LNPEP: variants seen among roughly 807,000 people sequenced by gnomAD.
LNPEP encodes leucyl and cystinyl aminopeptidase, also known as leucyl-cystinyl aminopeptidase.
LNPEP carries 64 observed loss-of-function variants against 120.6 expected under a neutral mutation model. The observed-to-expected ratio is 0.53, with a 90% confidence interval of 0.43 to 0.65. LNPEP has a LOEUF of 0.65. Ranked by LOEUF, LNPEP falls within the 30% of genes least tolerant of loss-of-function variation. The pLI is 0.00. For missense variants in LNPEP, 1,057 were observed against 1,200.0 expected (o/e 0.88, Z 1.76); for synonymous variants, 435 against 425.4 (o/e 1.02, Z -0.28).
intron 8 of LNPEP, among the ~76,000 whole-genome samples, chr5:97,000,663 C>G (rs1465717689): frequency 6.6e-6 from 1 of 152,180 alleles, no homozygotes; most frequent in African/African-American, 2.4e-5. Flanking sequence ...TTAAGTGCAT[C>G]CTGCATGATT....
chr5:96,988,220 C>G (rs1790287399), intron 4 of LNPEP, among the ~76,000 whole-genome samples: 1 of 151,978 alleles, frequency 6.6e-6, no homozygotes, highest in Admixed American at 6.6e-5. Context: ...GGATTACATT[C>G]AGATTCATCA....
At chr5:96,972,320 C>T (rs1004099466) in intron 1 of LNPEP, among the ~76,000 whole-genome samples, 1 of 152,058 alleles carries the variant, frequency 6.6e-6, no homozygotes, top group African/African-American at 2.4e-5. Context: ...TAGGGTGTCA[C>T]CTTTACTTCT....
In LNPEP at chr5:96,954,618, C is replaced by CTATATA. The variant is rs1168984975; in HGVS notation, c.19+18453_19+18458dup. 5.2e-4 allele frequency among the ~76,000 whole-genome samples: 30 copies of CTATATA among 57,532 alleles called. 4 individuals are homozygous for CTATATA. In the Middle Eastern group the frequency reaches 0.059, roughly 113 times the overall value. The allele number at this position is 57,532 out of a possible 152,430, so 37.7% of individuals were successfully genotyped here. A position where few individuals can be genotyped will look rare whatever the true frequency, so the allele number is the denominator to read the frequency against. ...TGCAAGTCTCTCTCTCTCTCTCTCT[C>CTATATA]TATATATATATATACATATATACAT... On this transcript the variant is annotated intron_variant, in intron 1 of 17. Transcript: ENST00000231368.
rs1486377358 is a variant in LNPEP at position 96,954,778 on chromosome 5, T to A, written c.19+18604T>A. On this transcript the variant is annotated intron_variant, in intron 1 of 17. Coordinates refer to ENST00000231368, the MANE Select transcript of LNPEP (RefSeq NM_005575.3). ...TATATATATATATATATATATTTTT[T>A]TTTTTTTTTTTTTTTTTTTTTTGAG... Among the ~76,000 whole-genome samples, 157 of 70,118 alleles carry A rather than the reference T, an allele frequency of 2.2e-3. 5 individuals carry two copies. Among genetic ancestry groups the A allele is most frequent in the Middle Eastern group, 4.9e-3 (1 of 206 alleles). 46.0% of individuals were successfully genotyped at this position (70,118 alleles called of 152,430 possible).
rs1165456605 is a variant in LNPEP, at chr5:97,021,923, G to GTTTTTTTTTTTTTTTTTTTTTTTT, written c.2377-374_2377-351dup. Among the ~76,000 whole-genome samples the GTTTTTTTTTTTTTTTTTTTTTTTT allele has an allele frequency of 2.8e-4, 16 of 57,192 alleles. 1 individual carries two copies. The highest frequency in any genetic ancestry group is 7.2e-4 in the East Asian group (1 of 1,382). 37.5% of individuals were successfully genotyped at this position (57,192 alleles called of 152,430 possible). On this transcript the variant is annotated intron_variant, in intron 13 of 17. Transcript: ENST00000231368. ...GGGTTTTTTTTGTTTTTTGTCTTTT[G>GTTTTTTTTTTTTTTTTTTTTTTTT]TTTTTTTTTTTTTTTTTTTTTTTTT...
At chr5:97,015,470 C>T (rs1328318778) in intron 13 of LNPEP, among the ~76,000 whole-genome samples, 2 of 151,920 alleles carry the variant, frequency 1.3e-5, no homozygotes, top group South Asian at 2.1e-4. Context: ...ATGACAGTTA[C>T]GTTTGTATTG....
intron 8 of LNPEP, among the ~76,000 whole-genome samples, chr5:96,998,638 G>A (rs73139214): frequency 7.9e-4 from 120 of 152,252 alleles, no homozygotes; most frequent in African/African-American, 2.7e-3. Flanking sequence ...ACCATAGGTC[G>A]GAGAATAGAA....
At chr5:96,970,151 A>C (rs1182764985) in intron 1 of LNPEP, among the ~76,000 whole-genome samples, 1 of 151,706 alleles carries the variant, frequency 6.6e-6, no homozygotes, top group African/African-American at 2.4e-5. Flanking sequence ...GTATTTCTGC[A>C]GTTGTTTGAT....
chr5:96,978,294 T>C (rs1393676560), intron 1 of LNPEP, among the ~76,000 whole-genome samples: 2 of 152,140 alleles, frequency 1.3e-5, no homozygotes, highest in Non-Finnish European at 2.9e-5. Context: ...TGTTGTAGTT[T>C]GTAAAAGCTC....
intron 1 of LNPEP, among the ~76,000 whole-genome samples, chr5:96,954,940 G>A (rs1233206010): frequency 1.3e-5 from 2 of 148,998 alleles, no homozygotes; most frequent in Non-Finnish European, 3.0e-5. Flanking sequence ...CTGCCACCAC[G>A]CCCGGCTAAT....
At chr5:96,962,923 T>C (rs1789640332) in intron 1 of LNPEP, among the ~76,000 whole-genome samples, 1 of 152,152 alleles carries the variant, frequency 6.6e-6, no homozygotes, top group Non-Finnish European at 1.5e-5. Flanking sequence ...CCTGGTCCCG[T>C]GCTAGGACCC....
chr5:96,942,198 AT>A (rs1183069249), intron 1 of LNPEP: 1 of 152,172 alleles, frequency 6.6e-6, no homozygotes, highest in Non-Finnish European at 1.5e-5. Context: ...AATGTTTTAG[AT>A]TTAAAGAAAA....
In LNPEP at chr5:97,030,424, G is replaced by A. The variant is rs970616660; in HGVS notation, c.*1891G>A. The A allele has an allele frequency of 6.6e-6, 1 of 152,026 alleles. No homozygotes were observed. Among genetic ancestry groups the A allele is most frequent in the African/African-American group, 2.4e-5 (1 of 41,402 alleles). The allele number at this position is 152,026 out of a possible 1,614,324, so 9.4% of individuals were successfully genotyped here. A position where few individuals can be genotyped will look rare whatever the true frequency, so the allele number is the denominator to read the frequency against. The stretch of plus-strand genomic sequence containing the variant: ...CTAAACTTTTGAGAGTTTTGTTGTC[G>A]TTGCTGGTTTTTTACCATGTGGTAC... On this transcript the variant is annotated 3_prime_UTR_variant, in exon 18 of 18. Coordinates refer to ENST00000231368, the MANE Select transcript of LNPEP (RefSeq NM_005575.3).
In LNPEP at chr5:96,991,203, G is replaced by A. The variant is rs142839989; in HGVS notation, c.1132-1812G>A. On this transcript the variant is annotated intron_variant, in intron 4 of 17. Transcript: ENST00000231368. ...CTGAGTTACTTTACTTAGAATAATC[G>A]TCCCCAATTCCATCCAGGTTGCTGC... 3.3e-3 allele frequency among the ~76,000 whole-genome samples: 508 copies of A among 152,132 alleles called. 3 individuals are homozygous for A. Among genetic ancestry groups the A allele is most frequent in the African/African-American group, 0.012 (484 of 41,484 alleles).
chr5:96,954,007 G>T (rs7736466), intron 1 of LNPEP, among the ~76,000 whole-genome samples: 1 of 151,926 alleles, frequency 6.6e-6, no homozygotes, highest in East Asian at 1.9e-4. Context: ...TAAATAAAAT[G>T]GTTGCTAGTG....
At chr5:97,011,419 G>A (rs971235158) in intron 11 of LNPEP, among the ~76,000 whole-genome samples, 11 of 152,034 alleles carry the variant, frequency 7.2e-5, no homozygotes, top group Non-Finnish European at 1.2e-4. Context: ...TTGTAAAGAT[G>A]ATGTCTCACT....
In LNPEP at chr5:97,013,814, C is replaced by T; in HGVS notation, c.2202C>T (p.Asn734=). The T allele has an allele frequency of 6.2e-7, 1 of 1,600,046 alleles. No homozygotes were observed. The highest frequency in any genetic ancestry group is 8.5e-7 in the Non-Finnish European group (1 of 1,175,032). ...AAGACCGAGCCAACCTTATCAACAA[C>T]ATCTTTGAACTTGCAGGGTAGAGTA... ...SDKDRANLIN[N]IFELAGLGKV... is the part of the protein sequence containing the mutation. The change falls in exon 12 of 18, where the codon AAC becomes AAT. Residue 734 remains asparagine, a synonymous_variant. Coordinates refer to ENST00000231368, the MANE Select transcript of LNPEP (RefSeq NM_005575.3).
intron 1 of LNPEP, among the ~76,000 whole-genome samples, chr5:96,940,622 G>C (rs1026381853): frequency 6.6e-6 from 1 of 152,224 alleles, no homozygotes; most frequent in Admixed American, 6.5e-5. Flanking sequence ...TACAGAAACT[G>C]TTCATAACTG....
intron 1 of LNPEP, among the ~76,000 whole-genome samples, chr5:96,938,822 T>G (rs1485141972): frequency 1.3e-5 from 2 of 152,248 alleles, no homozygotes; most frequent in Non-Finnish European, 1.5e-5. Flanking sequence ...GGATTGCTAT[T>G]ATGTTGAAGT....
Sources: gnomAD v4.1 joint callset for allele counts (sites outside exome capture counted in the v4.1 genomes callset) on GRCh38, gnomAD v4.1.1 for gene constraint, MANE v1.5 for transcripts, NCBI Gene and HGNC (gene_info 2026-07-23, HGNC 2026-07-21) for gene names.